The following COL6A5 variants were observed in gnomAD, a reference collection of about 807,000 sequenced individuals.
COL6A5 encodes the protein collagen alpha-5(VI) chain.
A neutral mutation model predicts 65.6 loss-of-function variants in COL6A5; 48 were observed. That is an observed-to-expected ratio of 0.73 (90% CI 0.58 to 0.93). COL6A5 has a LOEUF of 0.93. Among genes scored for constraint, COL6A5 ranks in the 40% least tolerant of loss-of-function variants. The pLI is 0.00. For missense variants in COL6A5, 914 were observed against 928.3 expected (o/e 0.98, Z 0.20); for synonymous variants, 291 against 322.8 (o/e 0.90, Z 1.05).
intron 1 of COL6A5, among the ~76,000 whole-genome samples, chr3:130,438,938 G>A (rs1439358956): frequency 1.3e-5 from 2 of 152,104 alleles, no homozygotes; most frequent in Non-Finnish European, 2.9e-5. Context: ...CAGGAATTTT[G>A]AATAAAATTC....
chr3:130,434,822 G>T (rs1043949243), intron 1 of COL6A5, among the ~76,000 whole-genome samples: 27 of 152,034 alleles, frequency 1.8e-4, no homozygotes, highest in African/African-American at 6.5e-4. Context: ...TAAGCTCCTT[G>T]TAAATTCTGG....
At chr3:130,404,821 A>AT in intron 13 of COL6A5, among the ~76,000 whole-genome samples, 1 of 152,326 alleles carries the variant, frequency 6.6e-6, no homozygotes, top group South Asian at 2.1e-4. Context: ...AATTAAGCTC[A>AT]TTACTAGTTA....
At chr3:130,387,083 C>G (rs1279802461) in intron 5 of COL6A5, among the ~76,000 whole-genome samples, 1 of 152,066 alleles carries the variant, frequency 6.6e-6, no homozygotes, top group Non-Finnish European at 1.5e-5. Flanking sequence ...TAGCTTCCAT[C>G]TTTAGGTCAA....
At chr3:130,393,769 G>A (rs958112978) in intron 7 of COL6A5, among the ~76,000 whole-genome samples, 4 of 152,196 alleles carry the variant, frequency 2.6e-5, no homozygotes, top group African/African-American at 9.6e-5. Context: ...GAGCTGTCCA[G>A]CTTCAGCCTG....
rs1338906058 is a variant in COL6A5, at chr3:130,440,842, T to C, written c.1241+17T>C. 7 of 1,583,676 alleles carry C rather than the reference T, an allele frequency of 4.4e-6. No individual in the cohort carries two copies. The highest frequency in any genetic ancestry group is 6.0e-6 in the Non-Finnish European group (7 of 1,159,288). On this transcript the variant is annotated intron_variant, in intron 3 of 7. Transcript: ENST00000512836. ...CGGTCAGGCGTAAGTTATTATTTCATTGTTTGTCTTTTTTTTAATAAGCTA... is the reference window on the plus strand; with the variant it reads ...CGGTCAGGCGTAAGTTATTATTTCACTGTTTGTCTTTTTTTTAATAAGCTA...
intron 11 of COL6A5, 32 bp from the exon 12 acceptor site, chr3:130,401,730 C>A: frequency 6.9e-7 from 1 of 1,452,412 alleles, no homozygotes; most frequent in South Asian, 1.2e-5. Flanking sequence ...CTGACAATTG[C>A]TATTCCCTCA....
In COL6A5 at chr3:130,421,376, C is replaced by A; in HGVS notation, c.5037+16C>A. 1 of 1,550,018 alleles carries A rather than the reference C, an allele frequency of 6.5e-7. No individual in the cohort carries two copies. Among genetic ancestry groups the A allele is most frequent in the Non-Finnish European group, 8.7e-7 (1 of 1,145,732 alleles). On this transcript the variant is annotated intron_variant and NMD_transcript_variant, in intron 27 of 41. Transcript: ENST00000312481. ...GGGGCAGAAGGTATTGTATGCATGA[C>A]CTTTTGAAATTACCATGATCTTAAC... is the stretch of plus-strand genomic sequence containing the variant.
chr3:130,403,714 CACACACACACACACAA>C, intron 13 of COL6A5, 52 bp downstream of exon 13: 1 of 918,864 alleles, frequency 1.1e-6, no homozygotes, highest in Non-Finnish European at 1.5e-6. Flanking sequence ...ACTGTACACA[CACACACACACACACAA>C]ACACACACTT....
At chr3:130,400,644 A>G (rs1428307987) in intron 10 of COL6A5, among the ~76,000 whole-genome samples, 1 of 152,170 alleles carries the variant, frequency 6.6e-6, no homozygotes, top group Non-Finnish European at 1.5e-5. Flanking sequence ...CATTCAGGAA[A>G]ATTCAGCAAA....
At chr3:130,407,031 A>C (rs1007603719) in intron 17 of COL6A5, among the ~76,000 whole-genome samples, 1 of 152,180 alleles carries the variant, frequency 6.6e-6, no homozygotes, top group Non-Finnish European at 1.5e-5. Context: ...CATGTTGTAG[A>C]TATCTACATG....
chr3:130,365,978 T>C (rs921602639), intron 1 of COL6A5, among the ~76,000 whole-genome samples: 2 of 152,134 alleles, frequency 1.3e-5, no homozygotes, highest in Non-Finnish European at 2.9e-5. Context: ...CACATTTTGT[T>C]TTCTCAGCCA....
intron 24 of COL6A5, 138 bp downstream of exon 24, chr3:130,416,957 T>C (rs1016998073): frequency 8.6e-6 from 5 of 582,476 alleles, no homozygotes; most frequent in East Asian, 3.1e-5. Context: ...GGGATACATG[T>C]GCAGAACATG....
chr3:130,470,809 T>C (rs1709933014), intron 6 of COL6A5, 62 bp from the exon 39 acceptor site: 1 of 1,232,522 alleles, frequency 8.1e-7, no homozygotes, highest in African/African-American at 1.5e-5. Flanking sequence ...ATGATCTGAC[T>C]TTGGGTGAGA....
rs1011989676 is a variant in COL6A5 at position 130,409,937 on chromosome 3, G to A, written c.4543-72G>A. On this transcript the variant is annotated intron_variant and NMD_transcript_variant, in intron 18 of 41. Coordinates refer to the COL6A5 transcript ENST00000312481. ...CTTGACCCAAATTAGCTTAGTACTTGAACATCATACCGTTTTGGGGAAAAA... is the reference window on the plus strand; with the variant it reads ...CTTGACCCAAATTAGCTTAGTACTTAAACATCATACCGTTTTGGGGAAAAA... 4.9e-5 allele frequency: 53 copies of A among 1,072,074 alleles called. No individual in the cohort carries two copies. The African/African-American group carries it at 7.8e-4, about 16-fold the overall frequency. The allele number at this position is 1,072,074 out of a possible 1,614,324, so 66.4% of individuals were successfully genotyped here. A position where few individuals can be genotyped will look rare whatever the true frequency, so the allele number is the denominator to read the frequency against.
chr3:130,421,173 CTACGGT>C lies in COL6A5; in HGVS notation c.4972_4977del (p.Tyr1658_Gly1659del). ...CACAGGGAGATTCTGGCATCCCAGG[CTACGGT>C]CAGATGGGACGAAAAGGAGTAAAGG... On this transcript the variant is annotated inframe_deletion and NMD_transcript_variant, in exon 26 of 42. Transcript: ENST00000312481. 3 of 1,550,610 alleles carry C rather than the reference CTACGGT, an allele frequency of 1.9e-6. No individual in the cohort carries two copies. The South Asian group carries it at 3.6e-5, about 18-fold the overall frequency.
intron 1 of COL6A5, 106 bp from the exon 34 acceptor site, chr3:130,439,415 AG>A (rs1321640565): frequency 5.9e-6 from 4 of 680,990 alleles, no homozygotes; most frequent in Non-Finnish European, 1.0e-5. Context: ...CTATAATGCA[AG>A]GTAATAGTGA....
chr3:130,450,839 G>C (rs1286447962), intron 4 of COL6A5, among the ~76,000 whole-genome samples: 1 of 152,112 alleles, frequency 6.6e-6, no homozygotes, highest in Non-Finnish European at 1.5e-5. Flanking sequence ...TGTGGTGAGG[G>C]CATCAAAGTT....
chr3:130,468,973 T>A (rs322113), exon 6 of COL6A5: 3 of 1,612,704 alleles, frequency 1.9e-6, no homozygotes. Flanking sequence ...ACTTTCACAT[T>A]GCCCCCACTC....
exon 5 of COL6A5, chr3:130,385,303 G>C: frequency 6.4e-7 from 1 of 1,550,918 alleles, no homozygotes; most frequent in Non-Finnish European, 8.7e-7. Flanking sequence ...GCTTTGGGCA[G>C]AACTTTGATG....
Sources: allele counts gnomAD v4.1 joint callset (sites outside exome capture counted in the v4.1 genomes callset), GRCh38; gene constraint gnomAD v4.1.1; transcripts MANE v1.5; gene names NCBI Gene and HGNC (gene_info 2026-07-23, HGNC 2026-07-21).